NME7: variants seen among roughly 807,000 people sequenced by gnomAD.
NME7 encodes the protein NME/NM23 family member 7.
Under a neutral mutation model 49.1 loss-of-function variants are expected in NME7, and 41 were observed. The ratio of observed to expected loss-of-function variants is 0.83; its 90% CI spans 0.65 to 1.08. The LOEUF (loss-of-function observed/expected upper bound fraction) is 1.08, where lower values mean the gene tolerates loss of function less well. Among genes scored for constraint, NME7 ranks in the 50% least tolerant of loss-of-function variants. The pLI is 0.00. For missense variants in NME7, 423 were observed against 463.4 expected (o/e 0.91, Z 0.80); for synonymous variants, 139 against 150.6 (o/e 0.92, Z 0.56).
intron 6 of NME7, 135 bp downstream of exon 6, chr1:169,298,421 A>G: frequency 2.5e-6 from 2 of 800,820 alleles, no homozygotes; most frequent in African/African-American, 3.4e-5. Flanking sequence ...AGTAGGCAAG[A>G]TGTCAAAGGT....
chr1:169,331,549 G>C (rs1357245095), intron 1 of NME7, among the ~76,000 whole-genome samples: 1 of 152,090 alleles, frequency 6.6e-6, no homozygotes, highest in East Asian at 1.9e-4. Context: ...GTTTACAGAT[G>C]ATATGATTTT....
intron 7 of NME7, among the ~76,000 whole-genome samples, chr1:169,255,364 T>A (rs1307000884): frequency 8.2e-6 from 1 of 121,794 alleles, no homozygotes; most frequent in African/African-American, 2.9e-5. Context: ...AAGTCTGTTT[T>A]ATCAGAGACT....
chr1:169,191,858 T>G (rs1427219343), intron 10 of NME7, among the ~76,000 whole-genome samples: 1 of 152,184 alleles, frequency 6.6e-6, no homozygotes. Flanking sequence ...CAATAAACAT[T>G]TGCTGAAGGT....
intron 10 of NME7, among the ~76,000 whole-genome samples, chr1:169,175,791 T>C (rs981514523): frequency 1.3e-5 from 2 of 152,150 alleles, no homozygotes; most frequent in Non-Finnish European, 2.9e-5. Context: ...TATACATATA[T>C]GGATAAACAT....
At position 169,204,541 on chromosome 1, in the gene NME7, A is replaced by G. The variant is rs1660625959; in HGVS notation, c.990+26177T>C. Among the ~76,000 whole-genome samples, 3 of 152,152 alleles carry G rather than the reference A, an allele frequency of 2.0e-5. No individual in the cohort carries two copies. The South Asian group carries it at 6.2e-4, about 32-fold the overall frequency. On this transcript the variant is annotated intron_variant, in intron 10 of 11. Transcript: ENST00000367811. ...ATAATCTCTCATTTTAAAAGTACAG[A>G]TTCCCATTTCAGATTATAGAAATTC... is the stretch of plus-strand genomic sequence containing the variant.
intron 3 of NME7, chr1:169,322,276 A>T (rs915932217): frequency 6.6e-6 from 1 of 152,170 alleles, no homozygotes. Flanking sequence ...AGAATGATGA[A>T]TGCAGCTTTG....
chr1:169,318,068 T>C (rs1335004567), intron 3 of NME7, among the ~76,000 whole-genome samples: 1 of 152,144 alleles, frequency 6.6e-6, no homozygotes, highest in African/African-American at 2.4e-5. Flanking sequence ...TCTCTAGTGC[T>C]CTCTCTCCTG....
At chr1:169,172,472 G>A (rs1659632000) in intron 10 of NME7, among the ~76,000 whole-genome samples, 2 of 151,928 alleles carry the variant, frequency 1.3e-5, no homozygotes, top group African/African-American at 4.8e-5. Flanking sequence ...GTAAGCAAGG[G>A]GATGATGGGC....
In NME7 at chr1:169,355,059, AC is replaced by A. The variant is rs1467693104; in HGVS notation, c.3+12648del. 8.9e-4 allele frequency among the ~76,000 whole-genome samples: 66 copies of A among 73,864 alleles called. 1 individual carries two copies. Among genetic ancestry groups the A allele is most frequent in the African/African-American group, 3.3e-3 (56 of 17,138 alleles). The allele number at this position is 73,864 out of a possible 152,430, so 48.5% of individuals were successfully genotyped here. On this transcript the variant is annotated intron_variant, in intron 1 of 11. Coordinates refer to ENST00000367811, the MANE Select transcript of NME7 (RefSeq NM_013330.5). ...ATATTATAGATATAATATATAATAT[AC>A]TATATATTATAGATATAATATATAA...
At chr1:169,341,506 C>T (rs561319146) in intron 1 of NME7, among the ~76,000 whole-genome samples, 16 of 152,194 alleles carry the variant, frequency 1.1e-4, no homozygotes, top group Non-Finnish European at 2.1e-4. Flanking sequence ...AGAGTCCCCA[C>T]TGGGGCACTG....
At chr1:169,319,464 G>A (rs1051498408) in intron 3 of NME7, among the ~76,000 whole-genome samples, 9 of 152,074 alleles carry the variant, frequency 5.9e-5, no homozygotes, top group Admixed American at 5.2e-4. Context: ...AGTTCAAAAG[G>A]TTATTTAGGT....
Position 169,137,742 on chromosome 1 carries a change from T to C in NME7, c.1099-4925A>G, listed in dbSNP as rs35527028. On this transcript the variant is annotated intron_variant, in intron 11 of 11. Transcript: ENST00000367811. ...AAATATGGGGCTCAGAAGTGGTCAA[T>C]AGTGAGGAAAGGAGTGGTAACTGAA... is the stretch of plus-strand genomic sequence containing the variant. Among the ~76,000 whole-genome samples, 7,311 of 152,160 alleles carry C rather than the reference T, an allele frequency of 0.048. 1,125 individuals are homozygous for C. In the East Asian group the frequency reaches 0.6, roughly 12 times the overall value.
Position 169,367,698 on chromosome 1 carries a change from T to C in NME7, c.3+10A>G. ...CCAGAGCCGTTCTTCTGGCATCCCC[T>C]GGCACTCACCATTGTCTCAGGATCT... On this transcript the variant is annotated intron_variant, in intron 1 of 11. Coordinates refer to ENST00000367811, the MANE Select transcript of NME7 (RefSeq NM_013330.5). 2 of 1,614,098 alleles carry C rather than the reference T, an allele frequency of 1.2e-6. No homozygotes were observed. Among genetic ancestry groups the C allele is most frequent in the Non-Finnish European group, 8.5e-7 (1 of 1,179,968 alleles).
chr1:169,241,403 T>C (rs912718994), intron 7 of NME7, among the ~76,000 whole-genome samples: 3 of 152,032 alleles, frequency 2.0e-5, no homozygotes, highest in African/African-American at 4.8e-5. Context: ...CAATTAAGTA[T>C]GAAATCAGCT....
At chr1:169,272,906 C>T (rs1267278849) in intron 7 of NME7, among the ~76,000 whole-genome samples, 1 of 133,448 alleles carries the variant, frequency 7.5e-6, no homozygotes, top group Admixed American at 7.4e-5. Context: ...ATTTTACTCT[C>T]CCAGTAACAG....
chr1:169,169,371 T>A, intron 11 of NME7, 76 bp downstream of exon 11: 1 of 1,331,920 alleles, frequency 7.5e-7, no homozygotes, highest in Non-Finnish European at 1.1e-6. Context: ...AACAAAAAGT[T>A]TTCTTACACA....
chr1:169,136,161 G>A (rs754595027), intron 11 of NME7, among the ~76,000 whole-genome samples: 12 of 152,252 alleles, frequency 7.9e-5, no homozygotes, highest in Middle Eastern at 3.4e-3. Context: ...GTCTTTTGGA[G>A]TGCTTCAAGG....
At chr1:169,149,532 G>A (rs1044205159) in intron 11 of NME7, among the ~76,000 whole-genome samples, 20 of 152,036 alleles carry the variant, frequency 1.3e-4, no homozygotes, top group Admixed American at 6.5e-5. Context: ...CATATACTAT[G>A]TTTTTTCTTA....
intron 10 of NME7, among the ~76,000 whole-genome samples, chr1:169,214,742 G>A (rs970381270): frequency 7.9e-5 from 12 of 152,232 alleles, no homozygotes; most frequent in East Asian, 1.9e-4. Flanking sequence ...GAGGGCATGC[G>A]TAGGTGAGCA....
Sources: gnomAD v4.1 joint callset for allele counts (sites outside exome capture counted in the v4.1 genomes callset) on GRCh38, gnomAD v4.1.1 for gene constraint, MANE v1.5 for transcripts, NCBI Gene and HGNC (gene_info 2026-07-23, HGNC 2026-07-21) for gene names.